Variants in DNAH17 observed in about 807,000 individuals in gnomAD.
DNAH17 encodes the protein axonemal beta dynein heavy chain 17.
A neutral mutation model predicts 485.6 loss-of-function variants in DNAH17; 376 were observed. The observed-to-expected ratio is 0.77, with a 90% CI of 0.71 to 0.84. The LOEUF (loss-of-function observed/expected upper bound fraction) is 0.84, where lower values mean the gene tolerates loss of function less well. Ranked by LOEUF, DNAH17 falls within the 40% of genes least tolerant of loss-of-function variation. The probability of loss-of-function intolerance (pLI) is 0.00; values close to 1 mark genes in which losing one functional copy is unlikely to be tolerated. For synonymous variants in DNAH17, 3,031 were observed against 2,405.9 expected (o/e 1.26, Z -7.60); for missense variants, 6,370 against 5,839.3 (o/e 1.09, Z -2.96).
At chr17:78,500,232 G>A (rs747969990) in intron 36 of DNAH17, 73 bp downstream of exon 36, 34 of 1,476,026 alleles carry the variant, frequency 2.3e-5, no homozygotes, top group African/African-American at 4.3e-5. Flanking sequence ...GTGGGGCCTC[G>A]GAGGACAGGG....
intron 33 of DNAH17, chr17:78,502,108 C>A: frequency 1.8e-6 from 1 of 549,178 alleles, no homozygotes; most frequent in Non-Finnish European, 3.2e-6. Flanking sequence ...TTCAAGGCCA[C>A]GAGAGAGGGT....
At chr17:78,491,246 G>A (rs991062851) in intron 43 of DNAH17, among the ~76,000 whole-genome samples, 197 bp downstream of exon 43, 7 of 152,224 alleles carry the variant, frequency 4.6e-5, no homozygotes, top group Non-Finnish European at 8.8e-5. Context: ...AAGGTGAGGC[G>A]CATGCAAAAC....
At chr17:78,465,748 G>A (rs1239348408) in intron 56 of DNAH17, among the ~76,000 whole-genome samples, 2 of 151,260 alleles carry the variant, frequency 1.3e-5, no homozygotes, top group South Asian at 2.1e-4. Context: ...CACCCCGTCC[G>A]GGAGGGAGGT....
At chr17:78,477,501 C>T (rs2089087102) in intron 51 of DNAH17, among the ~76,000 whole-genome samples, 1 of 152,126 alleles carries the variant, frequency 6.6e-6, no homozygotes, top group African/African-American at 2.4e-5. Context: ...ATCAGCCTCC[C>T]GAGTAGCTGG....
At chr17:78,525,184 C>CA (rs1227834978) in intron 24 of DNAH17, 23 bp from the exon 25 acceptor site, 9 of 1,607,916 alleles carry the variant, frequency 5.6e-6, no homozygotes, top group Non-Finnish European at 7.6e-6. Context: ...AGGGGGCCGT[C>CA]AGTAGGGCTA....
intron 65 of DNAH17, 61 bp from the exon 66 acceptor site, chr17:78,451,734 A>AG: frequency 8.4e-6 from 12 of 1,430,960 alleles, no homozygotes; most frequent in Non-Finnish European, 1.1e-5. Context: ...GAGGAACACA[A>AG]GTACAGACCA....
intron 49 of DNAH17, among the ~76,000 whole-genome samples, chr17:78,480,258 A>G (rs989177283): frequency 2.0e-5 from 3 of 151,858 alleles, no homozygotes; most frequent in Non-Finnish European, 4.4e-5. Flanking sequence ...CTGAGGCAGG[A>G]GAATTGCTTA....
At position 78,569,409 on chromosome 17, in the gene DNAH17, T is replaced by C. The variant is rs1372083217; in HGVS notation, c.1163A>G (p.Asp388Gly). The C allele has an allele frequency of 6.2e-7, 1 of 1,613,014 alleles. No homozygotes were observed. Among genetic ancestry groups the C allele is most frequent in the East Asian group, 2.2e-5 (1 of 44,864 alleles). Reference sequence around the variant, plus strand: ...AAGCTTCATGTTCACGCAGCAGAAGTCGTACGTCTGGTAGAGCTCCTTCAG... The same window carrying C: ...AAGCTTCATGTTCACGCAGCAGAAGCCGTACGTCTGGTAGAGCTCCTTCAG... Reference protein sequence around the residue: ...NVLKELYQTYDFCCVNMKLFF... With the variant: ...NVLKELYQTYGFCCVNMKLFF... The change falls in exon 8 of 81, where the codon GAC becomes GGC. Residue 388 changes from aspartate to glycine, a missense_variant. Coordinates refer to ENST00000389840, the MANE Select transcript of DNAH17 (RefSeq NM_173628.4).
intron 48 of DNAH17, 99 bp downstream of exon 48, chr17:78,484,769 C>A (rs1439410530): frequency 2.5e-6 from 3 of 1,191,146 alleles, no homozygotes; most frequent in Middle Eastern, 3.0e-4. Flanking sequence ...CCAGTCCTGC[C>A]CTACTGCCCT....
chr17:78,490,560 C>T (rs1331360056), intron 44 of DNAH17, 139 bp downstream of exon 44: 34 of 1,258,952 alleles, frequency 2.7e-5, no homozygotes, highest in Admixed American at 1.0e-4. Flanking sequence ...CCCTTCACTG[C>T]TGTGACACTG....
At chr17:78,577,206 G>A (rs1370241559) in intron 1 of DNAH17, 89 bp downstream of exon 1, 2 of 152,356 alleles carry the variant, frequency 1.3e-5, no homozygotes, top group Non-Finnish European at 2.9e-5. Flanking sequence ...TGTCTGCCAG[G>A]GCCTAGGTCC....
At chr17:78,549,694 C>G (rs889478216) in intron 16 of DNAH17, among the ~76,000 whole-genome samples, 3 of 152,154 alleles carry the variant, frequency 2.0e-5, no homozygotes, top group Non-Finnish European at 2.9e-5. Context: ...AAGTGCTGCC[C>G]TGGTCCTCTG....
chr17:78,444,863 A>G, intron 70 of DNAH17, 66 bp from the exon 71 acceptor site: 1 of 1,457,424 alleles, frequency 6.9e-7, no homozygotes. Flanking sequence ...GCCTTCCTGT[A>G]CAGTTCATTC....
rs1568034638 is a variant in DNAH17, at chr17:78,426,616, A to G, written c.12772-16T>C. The G allele has an allele frequency of 2.5e-6, 4 of 1,591,484 alleles. No individual in the cohort carries two copies. Among genetic ancestry groups the G allele is most frequent in the Non-Finnish European group, 2.6e-6 (3 of 1,166,644 alleles). On this transcript the variant is annotated splice_polypyrimidine_tract_variant and intron_variant, in intron 78 of 80. Transcript: ENST00000389840. ...TCAGTTCTCCCTAGGAGACACACAG[A>G]TGGGTGTGGGGAGCCCTGAGCTGGG...
At chr17:78,548,209 T>TTTTTTTTTC in intron 16 of DNAH17, among the ~76,000 whole-genome samples, 1 of 134,162 alleles carries the variant, frequency 7.5e-6, no homozygotes, top group Non-Finnish European at 1.6e-5. Context: ...GGCCTTTTTT[T>TTTTTTTTTC]TTTTTTTTTT....
chr17:78,501,963 ACAC>A (rs1555677032), intron 33 of DNAH17, 90 bp from the exon 34 acceptor site: 1 of 1,541,214 alleles, frequency 6.5e-7, no homozygotes, highest in Non-Finnish European at 8.9e-7. Context: ...TGCATAGGGA[ACAC>A]CACCATGCTT....
intron 72 of DNAH17, among the ~76,000 whole-genome samples, chr17:78,439,908 G>T (rs377268545): frequency 6.6e-6 from 1 of 151,966 alleles, no homozygotes; most frequent in Non-Finnish European, 1.5e-5. Flanking sequence ...GACCTCAGGC[G>T]ATCCACCTGC....
At chr17:78,535,175 C>A (rs1227296147) in intron 19 of DNAH17, among the ~76,000 whole-genome samples, 1 of 152,202 alleles carries the variant, frequency 6.6e-6, no homozygotes, top group Non-Finnish European at 1.5e-5. Context: ...TCTGCAGCAA[C>A]CGTGGGTGCC....
chr17:78,530,878 G>A (rs1263257908), intron 20 of DNAH17, among the ~76,000 whole-genome samples: 1 of 152,198 alleles, frequency 6.6e-6, no homozygotes, highest in Non-Finnish European at 1.5e-5. Flanking sequence ...CACTCCTCCT[G>A]CTGCCCCAAC....
Sources: gnomAD v4.1 joint callset for allele counts (sites outside exome capture counted in the v4.1 genomes callset) on GRCh38, gnomAD v4.1.1 for gene constraint, MANE v1.5 for transcripts, NCBI Gene and HGNC (gene_info 2026-07-23, HGNC 2026-07-21) for gene names.